Variants in UMAD1 observed in about 807,000 individuals in gnomAD.
UMAD1 encodes UBAP1-MVB12-associated (UMA) domain containing 1.
Under a neutral mutation model 6.1 loss-of-function variants are expected in UMAD1, and 8 were observed. The observed-to-expected ratio is 1.30, with a 90% CI of 0.76 to 2.35. UMAD1 has a LOEUF of 2.35. UMAD1 is among the 30% of genes most tolerant of loss of function. The pLI, the probability that UMAD1 is intolerant of heterozygous loss-of-function variation, is 0.00. For synonymous variants in UMAD1, 56 were observed against 31.4 expected (o/e 1.78, Z -2.61); for missense variants, 130 against 78.4 (o/e 1.66, Z -2.49).
intron 2 of UMAD1, among the ~76,000 whole-genome samples, chr7:7,677,501 G>A (rs892308924): frequency 5.3e-5 from 8 of 151,932 alleles, no homozygotes; most frequent in Non-Finnish European, 1.0e-4. Flanking sequence ...GTGAGAAAAT[G>A]TGAAATTTGT....
intron 2 of UMAD1, among the ~76,000 whole-genome samples, chr7:7,720,850 T>C (rs13225697): frequency 0.052 from 7,892 of 152,224 alleles, 259 homozygotes; most frequent in Middle Eastern, 0.12. Flanking sequence ...AAAAGGTATA[T>C]TTAAGACTTC....
chr7:7,642,075 A>G (rs1242754269), intron 1 of UMAD1, among the ~76,000 whole-genome samples: 1 of 152,222 alleles, frequency 6.6e-6, no homozygotes, highest in African/African-American at 2.4e-5. Flanking sequence ...GTACTTTAGC[A>G]TTGTTTTGCA....
At chr7:7,765,989 ATCGTTGTAATAGTGGAATAAGAATTG>A (rs1781976768) in intron 2 of UMAD1, among the ~76,000 whole-genome samples, 1 of 152,162 alleles carries the variant, frequency 6.6e-6, no homozygotes. Flanking sequence ...TCAGTTACAT[ATCGTTGTAATAGTGGAATAAGAATTG>A]TAATCAGAAT....
At chr7:7,650,243 T>C (rs907812379) in intron 1 of UMAD1, among the ~76,000 whole-genome samples, 3 of 152,392 alleles carry the variant, frequency 2.0e-5, no homozygotes, top group Non-Finnish European at 1.5e-5. Flanking sequence ...TATTGCTTTA[T>C]GCAGTTAATA....
chr7:7,739,151 T>C (rs1781414132), intron 2 of UMAD1, among the ~76,000 whole-genome samples: 1 of 152,244 alleles, frequency 6.6e-6, no homozygotes, highest in Admixed American at 6.5e-5. Context: ...GATTAATGTA[T>C]TTTAATGTAG....
intron 3 of UMAD1, among the ~76,000 whole-genome samples, chr7:7,862,606 T>C (rs1784135309): frequency 6.6e-6 from 1 of 152,228 alleles, no homozygotes; most frequent in Admixed American, 6.5e-5. Context: ...CTTAACTGTT[T>C]TGCAGCCTTG....
intron 2 of UMAD1, among the ~76,000 whole-genome samples, chr7:7,705,386 T>A (rs1355590904): frequency 2.0e-5 from 3 of 152,226 alleles, no homozygotes. Flanking sequence ...AAAGTAATTT[T>A]ACATGTTCTA....
chr7:7,865,490 C>T (rs147417591), intron 3 of UMAD1, among the ~76,000 whole-genome samples: 1 of 152,204 alleles, frequency 6.6e-6, no homozygotes, highest in Non-Finnish European at 1.5e-5. Flanking sequence ...GAGGAGAAGG[C>T]CAGAGTTCCT....
chr7:7,765,444 T>C (rs1235833382), intron 2 of UMAD1, among the ~76,000 whole-genome samples: 1 of 152,250 alleles, frequency 6.6e-6, no homozygotes, highest in African/African-American at 2.4e-5. Flanking sequence ...TTTAAAATTT[T>C]ATGAAAAGTA....
chr7:7,689,616 C>G (rs10262410), intron 2 of UMAD1, among the ~76,000 whole-genome samples: 87,452 of 151,924 alleles, frequency 0.58, 25,398 homozygotes, highest in East Asian at 0.8. Context: ...TTTTTCATGC[C>G]CAGACTTCAT....
At chr7:7,706,338 C>T (rs1035152041) in intron 2 of UMAD1, among the ~76,000 whole-genome samples, 2 of 152,074 alleles carry the variant, frequency 1.3e-5, no homozygotes, top group Non-Finnish European at 2.9e-5. Flanking sequence ...CATGTTATCA[C>T]CCTAGTCTGG....
chr7:7,772,188 C>G (rs35023386), intron 2 of UMAD1, among the ~76,000 whole-genome samples: 50,945 of 152,002 alleles, frequency 0.34, 9,138 homozygotes, highest in East Asian at 0.4. Context: ...ATAGCTAAAC[C>G]TTTGTGTTTT....
chr7:7,861,104 G>C (rs6965111), intron 3 of UMAD1, among the ~76,000 whole-genome samples: 104,815 of 152,086 alleles, frequency 0.69, 37,013 homozygotes, highest in Middle Eastern at 0.74. Flanking sequence ...CTTGGGGAGA[G>C]GAGGGATGGG....
At chr7:7,852,861 A>G (rs1320548114) in intron 3 of UMAD1, among the ~76,000 whole-genome samples, 1 of 152,226 alleles carries the variant, frequency 6.6e-6, no homozygotes, top group Non-Finnish European at 1.5e-5. Flanking sequence ...TCTAATATTA[A>G]TAAACTGAGT....
intron 2 of UMAD1, among the ~76,000 whole-genome samples, chr7:7,702,479 T>C (rs1303695368): frequency 6.6e-6 from 1 of 152,170 alleles, no homozygotes; most frequent in Non-Finnish European, 1.5e-5. Flanking sequence ...TCAAGTACAC[T>C]CCAATAGCTT....
chr7:7,681,506 A>C (rs777902471), intron 2 of UMAD1, among the ~76,000 whole-genome samples: 2 of 152,172 alleles, frequency 1.3e-5, no homozygotes, highest in African/African-American at 2.4e-5. Flanking sequence ...AGTGGTGCCG[A>C]ATAAGAATAA....
At chr7:7,790,183 C>A (rs1008124955) in intron 2 of UMAD1, among the ~76,000 whole-genome samples, 1 of 152,120 alleles carries the variant, frequency 6.6e-6, no homozygotes, top group Non-Finnish European at 1.5e-5. Flanking sequence ...GATTCTTAGG[C>A]CTTTCACCAG....
chr7:7,821,016 C>T (rs562943158), intron 3 of UMAD1, among the ~76,000 whole-genome samples: 3 of 152,214 alleles, frequency 2.0e-5, no homozygotes, highest in Admixed American at 6.5e-5. Flanking sequence ...GAAAATTAAG[C>T]GTGACTTTTT....
At chr7:7,656,592 T>C (rs1325505869) in intron 1 of UMAD1, among the ~76,000 whole-genome samples, 1 of 152,202 alleles carries the variant, frequency 6.6e-6, no homozygotes, top group Non-Finnish European at 1.5e-5. Flanking sequence ...TTGTGTTTGT[T>C]TGCTGAGAAT....
Sources: allele counts gnomAD v4.1 joint callset (sites outside exome capture counted in the v4.1 genomes callset), GRCh38; gene constraint gnomAD v4.1.1; transcripts MANE v1.5; gene names NCBI Gene and HGNC (gene_info 2026-07-23, HGNC 2026-07-21).